The following GJC1 variants were observed in gnomAD, a reference collection of about 807,000 sequenced individuals.
The protein encoded by GJC1 is gap junction protein gamma 1.
GJC1 carries 5 observed loss-of-function variants against 29.3 expected under a neutral mutation model. The ratio of observed to expected loss-of-function variants is 0.17; its 90% CI spans 0.09 to 0.36. GJC1 has a LOEUF of 0.36. Ranked by LOEUF, GJC1 falls within the 10% of genes least tolerant of loss-of-function variation. The pLI is 1.00. For synonymous variants in GJC1, 177 were observed against 183.3 expected (o/e 0.97, Z 0.28); for missense variants, 310 against 496.2 (o/e 0.62, Z 3.56).
At position 44,801,810 on chromosome 17, in the gene GJC1, G is replaced by A. The variant is rs945966914; in HGVS notation, c.*2817C>T. ...AGTAGAGATGGAGTTTCACCATGTT[G>A]ACCAGTCTGGTCTTGAACTCCTGAC... is the stretch of plus-strand genomic sequence containing the variant. On this transcript the variant is annotated 3_prime_UTR_variant, in exon 3 of 3. Coordinates refer to ENST00000592524, the MANE Select transcript of GJC1 (RefSeq NM_005497.4). The A allele has an allele frequency of 1.3e-5, 2 of 152,064 alleles. No individual in the cohort carries two copies. Among genetic ancestry groups the A allele is most frequent in the Non-Finnish European group, 2.9e-5 (2 of 68,040 alleles). The allele number at this position is 152,064 out of a possible 1,614,324, so 9.4% of individuals were successfully genotyped here. A position where few individuals can be genotyped will look rare whatever the true frequency, so the allele number is the denominator to read the frequency against.
At chr17:44,822,231 T>C (rs1428692107) in intron 1 of GJC1, among the ~76,000 whole-genome samples, 7 of 139,346 alleles carry the variant, frequency 5.0e-5, no homozygotes, top group Non-Finnish European at 1.1e-4. Flanking sequence ...AAGAAACATA[T>C]ATAATTTATG....
chr17:44,808,228 GA>G (rs545340849), intron 1 of GJC1, among the ~76,000 whole-genome samples: 34 of 139,846 alleles, frequency 2.4e-4, no homozygotes, highest in Non-Finnish European at 4.0e-4. Flanking sequence ...AAAGATACAG[GA>G]AAAAAAAAAC....
At chr17:44,808,527 G>GA (rs2049938325) in intron 1 of GJC1, among the ~76,000 whole-genome samples, 2 of 151,994 alleles carry the variant, frequency 1.3e-5, no homozygotes, top group Admixed American at 1.3e-4. Context: ...AAGGTGGGGG[G>GA]ATCACATGAG....
intron 1 of GJC1, among the ~76,000 whole-genome samples, chr17:44,809,422 C>G (rs1340112917): frequency 6.6e-6 from 1 of 152,154 alleles, no homozygotes; most frequent in Non-Finnish European, 1.5e-5. Flanking sequence ...CATAGAACTC[C>G]ATGATTCTCA....
intron 1 of GJC1, among the ~76,000 whole-genome samples, chr17:44,825,819 A>C (rs1019016022): frequency 1.3e-5 from 2 of 152,162 alleles, no homozygotes; most frequent in Non-Finnish European, 2.9e-5. Flanking sequence ...TGGGCACCAG[A>C]ATGCTTTTGT....
At position 44,830,219 on chromosome 17, in the gene GJC1, G is replaced by T; in HGVS notation, c.-254C>A. On this transcript the variant is annotated 5_prime_UTR_variant, in exon 1 of 3. In the 5' UTR this introduces an upstream ATG that the reference lacks. Coordinates refer to ENST00000592524, the MANE Select transcript of GJC1 (RefSeq NM_005497.4). This position sits in a 1 kb window ranked among gnomAD's most constrained non-coding sequence, Gnocchi z 4.3. ...TTCGCCTCAGTCTCCAGCCGAGGCA[G>T]AAGCCGCTCCCGCCGCTGCCGCCGC... 6.3e-6 allele frequency: 1 copy of T among 159,996 alleles called. No individual in the cohort carries two copies. Among genetic ancestry groups the T allele is most frequent in the Non-Finnish European group, 1.3e-5 (1 of 74,786 alleles). 9.9% of individuals were successfully genotyped at this position (159,996 alleles called of 1,614,324 possible). A position where few individuals can be genotyped will look rare whatever the true frequency, so the allele number is the denominator to read the frequency against.
Position 44,830,067 on chromosome 17 carries a change from G to C in GJC1, c.-102C>G, listed in dbSNP as rs999976446. 3.9e-5 allele frequency: 6 copies of C among 152,252 alleles called. No individual in the cohort carries two copies. Among genetic ancestry groups the C allele is most frequent in the African/African-American group, 1.4e-4 (6 of 41,390 alleles). 9.4% of individuals were successfully genotyped at this position (152,252 alleles called of 1,614,324 possible). On this transcript the variant is annotated 5_prime_UTR_variant, in exon 1 of 3. Coordinates refer to ENST00000592524, the MANE Select transcript of GJC1 (RefSeq NM_005497.4). The surrounding 1 kb of genome is among the most constrained non-coding windows in gnomAD (Gnocchi z 4.3). ...GCCCTGCGGCCGCCCCTCACCCGGCGGCGGGTTCCCCCGGAGCCGCCTCCT... is the reference window on the plus strand; with the variant it reads ...GCCCTGCGGCCGCCCCTCACCCGGCCGCGGGTTCCCCCGGAGCCGCCTCCT...
chr17:44,812,187 G>T (rs1301243057), intron 1 of GJC1, among the ~76,000 whole-genome samples: 1 of 151,262 alleles, frequency 6.6e-6, no homozygotes, highest in Non-Finnish European at 1.5e-5. Flanking sequence ...GGTGGTACAC[G>T]CTTGTAGTCC....
At chr17:44,814,879 T>C (rs1042028136) in intron 1 of GJC1, among the ~76,000 whole-genome samples, 1 of 151,318 alleles carries the variant, frequency 6.6e-6, no homozygotes. Flanking sequence ...GGGGCGGAGG[T>C]TGCAGTGAGA....
chr17:44,825,434 C>T (rs1203149904), intron 1 of GJC1, among the ~76,000 whole-genome samples: 3 of 151,644 alleles, frequency 2.0e-5, no homozygotes, highest in South Asian at 2.1e-4. Context: ...TGCGGTGAGC[C>T]GAGATTGCGC....
intron 1 of GJC1, among the ~76,000 whole-genome samples, chr17:44,811,388 C>CCT (rs1555558136): frequency 7.8e-6 from 1 of 128,068 alleles, no homozygotes. Flanking sequence ...GGCCTTTTTT[C>CCT]TTTTTTTTTT....
chr17:44,796,421 C>G (rs1295051533), downstream of GJC1, among the ~76,000 whole-genome samples: 1 of 152,196 alleles, frequency 6.6e-6, no homozygotes, highest in East Asian at 1.9e-4. Flanking sequence ...CCTGGATCCT[C>G]TATGTAGGTC....
intron 1 of GJC1, among the ~76,000 whole-genome samples, chr17:44,828,071 A>C (rs1209871859): frequency 2.6e-5 from 4 of 152,208 alleles, no homozygotes; most frequent in African/African-American, 9.6e-5. Flanking sequence ...CTCAATTGAT[A>C]GGCAAGCCTG....
Position 44,801,628 on chromosome 17 carries a change from G to C in GJC1, c.*2999C>G, listed in dbSNP as rs2049847756. 1 of 149,264 alleles carries C rather than the reference G, an allele frequency of 6.7e-6. No individual in the cohort carries two copies. The highest frequency in any genetic ancestry group is 2.5e-5 in the African/African-American group (1 of 40,502). The allele number at this position is 149,264 out of a possible 1,614,324, so 9.2% of individuals were successfully genotyped here. On this transcript the variant is annotated 3_prime_UTR_variant, in exon 3 of 3. Transcript: ENST00000592524. Reference sequence around the variant, plus strand: ...TTTTCTTTTTTTTTTTTTGAGACAAGAGTTTCACTCTGTCTTGCAGGCTGG... The same window carrying C: ...TTTTCTTTTTTTTTTTTTGAGACAACAGTTTCACTCTGTCTTGCAGGCTGG...
chr17:44,805,713 A>G lies in GJC1; in HGVS notation c.105T>C (p.Leu35=). ...AGATGGATTCTCCTCCTACAGCTGT[A>G]AGGACGATCCGGAAGACAATCAGAA... The part of the protein sequence containing the change: ...LTVLIVFRIV[L]TAVGGESIYY... Residue 35 remains leucine (L), a synonymous_variant, in exon 3 of 3, where the codon CTT becomes CTC. Coordinates refer to ENST00000592524, the MANE Select transcript of GJC1 (RefSeq NM_005497.4). The surrounding 1 kb of genome is among the most constrained non-coding windows in gnomAD (Gnocchi z 5.1). 1 of 1,613,608 alleles carries G rather than the reference A, an allele frequency of 6.2e-7. No homozygotes were observed. Among genetic ancestry groups the G allele is most frequent in the Non-Finnish European group, 8.5e-7 (1 of 1,179,474 alleles).
At chr17:44,808,351 T>A (rs542492886) in intron 1 of GJC1, among the ~76,000 whole-genome samples, 3 of 151,790 alleles carry the variant, frequency 2.0e-5, no homozygotes, top group East Asian at 1.9e-4. Flanking sequence ...TTCCAAATTT[T>A]AAAAAAATTA....
intron 1 of GJC1, among the ~76,000 whole-genome samples, chr17:44,808,509 G>C (rs148734923): frequency 1.3e-5 from 2 of 151,970 alleles, no homozygotes; most frequent in African/African-American, 4.8e-5. Flanking sequence ...CCAGCACTTC[G>C]GGAGGCCAAG....
At chr17:44,817,137 C>T (rs1362825144) in intron 1 of GJC1, among the ~76,000 whole-genome samples, 2 of 151,448 alleles carry the variant, frequency 1.3e-5, no homozygotes, top group African/African-American at 2.4e-5. Flanking sequence ...ACCCAGGAGG[C>T]GGTGGTTGCA....
rs745913137 is a variant in GJC1 at position 44,799,431 on chromosome 17, C to T, written c.*5196G>A. ...ATGTTGGCCAGGCTTGTTTCAAACTCCTGACCTCTAGTGATCCACCCACCT... is the reference window on the plus strand; with the variant it reads ...ATGTTGGCCAGGCTTGTTTCAAACTTCTGACCTCTAGTGATCCACCCACCT... On this transcript the variant is annotated 3_prime_UTR_variant, in exon 3 of 3. Coordinates refer to ENST00000592524, the MANE Select transcript of GJC1 (RefSeq NM_005497.4). 7.2e-5 allele frequency: 11 copies of T among 152,010 alleles called. No homozygotes were observed. Among genetic ancestry groups the T allele is most frequent in the Non-Finnish European group, 1.3e-4 (9 of 68,032 alleles). The allele number at this position is 152,010 out of a possible 1,614,324, so 9.4% of individuals were successfully genotyped here. A position where few individuals can be genotyped will look rare whatever the true frequency, so the allele number is the denominator to read the frequency against.
Sources: allele counts gnomAD v4.1 joint callset (sites outside exome capture counted in the v4.1 genomes callset), GRCh38; gene constraint gnomAD v4.1.1; non-coding constraint Gnocchi (gnomAD v3.1); transcripts MANE v1.5; gene names NCBI Gene and HGNC (gene_info 2026-07-23, HGNC 2026-07-21).